Variants in ASIC2 observed in about 807,000 individuals in gnomAD.
ASIC2 encodes acid sensing ion channel subunit 2.
In ASIC2, 25 loss-of-function variants were observed where a neutral mutation model predicts 57.3. The ratio of observed to expected loss-of-function variants is 0.44; its 90% confidence interval spans 0.32 to 0.61. ASIC2 has a LOEUF of 0.61. Ranked by LOEUF, ASIC2 falls within the 20% of genes least tolerant of loss-of-function variation. ASIC2 has a pLI of 0.06. For missense variants in ASIC2, 641 were observed against 738.1 expected, an observed-to-expected ratio of 0.87 and a Z score of 1.52; for synonymous variants, 319 against 307.5, an observed-to-expected ratio of 1.04 and a Z score of -0.39.
chr17:33,159,240 T>C (rs553880873), intron 1 of ASIC2, among the ~76,000 whole-genome samples: 1 of 152,360 alleles, frequency 6.6e-6, no homozygotes, highest in South Asian at 2.1e-4. Flanking sequence ...TTAAGGCATG[T>C]ATGCATTGCA....
At chr17:34,045,536 C>T (rs1483321279) in intron 1 of ASIC2, among the ~76,000 whole-genome samples, 1 of 152,194 alleles carries the variant, frequency 6.6e-6, no homozygotes, top group East Asian at 1.9e-4. Flanking sequence ...ACCAAGGCCT[C>T]AGGAAGTGTA....
chr17:34,061,142 C>T (rs947092066), intron 1 of ASIC2, among the ~76,000 whole-genome samples: 13 of 152,136 alleles, frequency 8.5e-5, no homozygotes, highest in African/African-American at 2.7e-4. Context: ...AGATTAACAG[C>T]GGATTTCTCA....
intron 1 of ASIC2, chr17:34,005,613 G>A (rs1459856881): frequency 6.6e-6 from 1 of 152,076 alleles, no homozygotes; most frequent in Non-Finnish European, 1.5e-5. Context: ...CCACACCTCT[G>A]GGCCACCATT....
intron 1 of ASIC2, among the ~76,000 whole-genome samples, chr17:33,209,779 C>T (rs1907204067): frequency 6.6e-6 from 1 of 152,238 alleles, no homozygotes. Flanking sequence ...AATGCATGAA[C>T]ATAGCCAGTG....
At chr17:33,056,448 A>T (rs2091998302) in intron 3 of ASIC2, among the ~76,000 whole-genome samples, 1 of 151,884 alleles carries the variant, frequency 6.6e-6, no homozygotes, top group South Asian at 2.1e-4. Context: ...CTTCCCAGCC[A>T]CCCCCCTCCC....
chr17:33,781,443 G>A (rs1447543807), intron 1 of ASIC2, among the ~76,000 whole-genome samples: 5 of 152,232 alleles, frequency 3.3e-5, no homozygotes, highest in Non-Finnish European at 7.3e-5. Flanking sequence ...GGATGATGGA[G>A]TGGGTGGGAT....
intron 1 of ASIC2, among the ~76,000 whole-genome samples, chr17:33,366,391 C>T (rs942098743): frequency 6.6e-6 from 1 of 152,218 alleles, no homozygotes; most frequent in African/African-American, 2.4e-5. Context: ...TAGATGCTCT[C>T]AGCTCTTTGA....
At chr17:34,090,922 G>A (rs1910309331) in intron 1 of ASIC2, among the ~76,000 whole-genome samples, 1 of 152,216 alleles carries the variant, frequency 6.6e-6, no homozygotes, top group African/African-American at 2.4e-5. Flanking sequence ...GGAGGAGCTA[G>A]CAGTCTTTCC....
intron 1 of ASIC2, among the ~76,000 whole-genome samples, chr17:33,880,390 A>C (rs1274482043): frequency 1.3e-5 from 2 of 152,166 alleles, no homozygotes; most frequent in Non-Finnish European, 2.9e-5. Context: ...AGAGAGAAGA[A>C]TCAAATAGGT....
Position 33,994,298 on chromosome 17 carries a change from T to A in ASIC2, c.555+161680A>T, listed in dbSNP as rs183601402. On this transcript the variant is annotated intron_variant, in intron 1 of 9. Coordinates refer to the ASIC2 transcript ENST00000359872. ...GCCATGTGGTAAATCACCAATGGAT[T>A]AGGCACAGGATGCAAAGAATGTTCT... Among the ~76,000 whole-genome samples, 600 of 152,262 alleles carry A rather than the reference T, an allele frequency of 3.9e-3. 9 individuals are homozygous for A. The highest frequency in any genetic ancestry group is 4.9e-3 in the Non-Finnish European group (336 of 68,012).
At chr17:33,080,102 A>G (rs1374462896) in intron 3 of ASIC2, among the ~76,000 whole-genome samples, 2 of 152,128 alleles carry the variant, frequency 1.3e-5, no homozygotes, top group Non-Finnish European at 2.9e-5. Context: ...ATTATGGGAA[A>G]GGATGCTGTA....
rs143151249 is a variant in ASIC2, at chr17:33,662,716, TCCTC to T, written c.555+493258_555+493261del. 3.5e-4 allele frequency among the ~76,000 whole-genome samples: 44 copies of T among 125,648 alleles called. 1 individual carries two copies. The highest frequency in any genetic ancestry group is 1.8e-3 in the Admixed American group (21 of 11,418). The allele number at this position is 125,648 out of a possible 152,430, so 82.4% of individuals were successfully genotyped here. On this transcript the variant is annotated intron_variant, in intron 1 of 9. Transcript: ENST00000359872. ...AGTTCTACTCACTTTTAGTACTGTT[TCCTC>T]CCTCCCTCCCTCCCTCCTTCCCTCC...
intron 1 of ASIC2, among the ~76,000 whole-genome samples, chr17:33,246,472 G>A (rs533115670): frequency 7.8e-4 from 119 of 152,290 alleles, no homozygotes; most frequent in African/African-American, 2.8e-3. Context: ...GTGCAGTAGG[G>A]CAACTTTAAT....
chr17:33,996,821 G>T (rs1273066563), intron 1 of ASIC2, among the ~76,000 whole-genome samples: 1 of 152,132 alleles, frequency 6.6e-6, no homozygotes, highest in East Asian at 1.9e-4. Context: ...CTTGCTCAAG[G>T]TTGTTTTGGC....
intron 1 of ASIC2, among the ~76,000 whole-genome samples, chr17:33,464,177 A>C (rs2141913796): frequency 6.6e-6 from 1 of 152,290 alleles, no homozygotes; most frequent in African/African-American, 2.4e-5. Flanking sequence ...TTTGTTTGCC[A>C]ACAGGTCTTT....
chr17:33,052,275 G>T (rs967965142), intron 3 of ASIC2: 1 of 152,212 alleles, frequency 6.6e-6, no homozygotes, highest in African/African-American at 2.4e-5. Context: ...CCTTCACAAT[G>T]TAAGATGCCA....
intron 1 of ASIC2, among the ~76,000 whole-genome samples, chr17:33,190,188 G>A (rs935602625): frequency 1.3e-5 from 2 of 152,066 alleles, no homozygotes; most frequent in Non-Finnish European, 2.9e-5. Flanking sequence ...GTTTAGTAAG[G>A]CTGAATAATA....
At chr17:33,452,738 G>GT (rs1912298570) in intron 1 of ASIC2, among the ~76,000 whole-genome samples, 3 of 140,408 alleles carry the variant, frequency 2.1e-5, no homozygotes, top group African/African-American at 8.2e-5. Context: ...AACAGAGTGG[G>GT]GTGTGTGTGT....
intron 1 of ASIC2, among the ~76,000 whole-genome samples, chr17:33,565,463 T>C (rs536012081): frequency 9.3e-4 from 142 of 152,332 alleles, no homozygotes; most frequent in Middle Eastern, 6.8e-3. Context: ...CCCTGTACCA[T>C]GATTTTCTTT....
Sources: allele counts gnomAD v4.1 joint callset (sites outside exome capture counted in the v4.1 genomes callset), GRCh38; gene constraint gnomAD v4.1.1; transcripts MANE v1.5; gene names NCBI Gene and HGNC (gene_info 2026-07-23, HGNC 2026-07-21).